The following NIBAN2 variants were observed in gnomAD, a reference collection of about 807,000 sequenced individuals.
NIBAN2 encodes the protein protein Niban 2.
A neutral mutation model predicts 81.8 loss-of-function variants in NIBAN2; 36 were observed. The ratio of observed to expected loss-of-function variants is 0.44; its 90% CI spans 0.34 to 0.58. The LOEUF (loss-of-function observed/expected upper bound fraction) is 0.58, where lower values mean the gene tolerates loss of function less well. Among genes scored for constraint, NIBAN2 ranks in the 20% least tolerant of loss-of-function variants. The probability of loss-of-function intolerance (pLI) is 0.02; values close to 1 mark genes in which losing one functional copy is unlikely to be tolerated. For synonymous variants in NIBAN2, 445 were observed against 441.6 expected (o/e 1.01, Z -0.10); for missense variants, 897 against 1,014.1 (o/e 0.88, Z 1.57).
intron 5 of NIBAN2, among the ~76,000 whole-genome samples, chr9:127,520,744 T>A (rs573916525): frequency 2.0e-4 from 30 of 151,804 alleles, no homozygotes; most frequent in Non-Finnish European, 4.0e-4. Context: ...ATTAGCCAGG[T>A]GTGGTGGCAC....
chr9:127,526,838 C>T (rs1319438410), intron 3 of NIBAN2, among the ~76,000 whole-genome samples: 2 of 151,936 alleles, frequency 1.3e-5, no homozygotes, highest in South Asian at 2.1e-4. Context: ...TGGGAGGGGT[C>T]GGAGGAGAGG....
At position 127,563,549 on chromosome 9, in the gene NIBAN2, G is replaced by A. The variant is rs956552699; in HGVS notation, c.55+5271C>T. 1.3e-5 allele frequency among the ~76,000 whole-genome samples: 2 copies of A among 150,578 alleles called. No individual in the cohort carries two copies. The highest frequency in any genetic ancestry group is 2.4e-5 in the African/African-American group (1 of 40,836). On this transcript the variant is annotated intron_variant, in intron 1 of 13. Transcript: ENST00000373312. This position sits in a 1 kb window ranked among gnomAD's most constrained non-coding sequence, Gnocchi z 4.1. ...AGATTTTTTTTTTTTTTGAGACAGAGTCTCACTCTGTCACCCAGGCTGGAG... is the reference window on the plus strand; with the variant it reads ...AGATTTTTTTTTTTTTTGAGACAGAATCTCACTCTGTCACCCAGGCTGGAG...
At position 127,523,811 on chromosome 9, in the gene NIBAN2, T is replaced by C; in HGVS notation, c.457A>G (p.Lys153Glu). The change falls in exon 5 of 14, where the codon AAG becomes GAG. Residue 153 changes from lysine to glutamate, a missense_variant. Around this residue, in one of 3 missense-constraint regions of NIBAN2, gnomAD observed 209 missense variants for 208.4 expected, o/e 1.00. Coordinates refer to ENST00000373312, the MANE Select transcript of NIBAN2 (RefSeq NM_022833.4). ...ATGAGCGGGAACTGTGTGGGGCACT[T>C]GAGGATGGGGGCACTGCCCGACTTT... ...TAKSGSAPIL[K>E]CPTQFPLILW... 6.2e-7 allele frequency: 1 copy of C among 1,613,158 alleles called. No homozygotes were observed. The highest frequency in any genetic ancestry group is 8.5e-7 in the Non-Finnish European group (1 of 1,179,208).
intron 1 of NIBAN2, among the ~76,000 whole-genome samples, chr9:127,550,396 C>T (rs1272243075): frequency 6.6e-6 from 1 of 152,236 alleles, no homozygotes; most frequent in South Asian, 2.1e-4. Context: ...GTTGCCAGCT[C>T]GCTCACACAG....
intron 1 of NIBAN2, among the ~76,000 whole-genome samples, chr9:127,549,331 T>C (rs899230348): frequency 1.3e-5 from 2 of 152,176 alleles, no homozygotes; most frequent in Admixed American, 1.3e-4. Context: ...CCCACACGCA[T>C]GCACACTCAC....
chr9:127,577,048 C>T (rs1361924523), intron 1 of NIBAN2, among the ~76,000 whole-genome samples: 1 of 151,934 alleles, frequency 6.6e-6, no homozygotes, highest in Non-Finnish European at 1.5e-5. Context: ...AGGCCAGGTG[C>T]AGTGGCTCAC....
At chr9:127,550,162 A>G (rs1837549601) in intron 1 of NIBAN2, among the ~76,000 whole-genome samples, 1 of 152,078 alleles carries the variant, frequency 6.6e-6, no homozygotes, top group Non-Finnish European at 1.5e-5. Context: ...GACCCTGGAC[A>G]AGCCCCCCAC....
At chr9:127,526,864 G>A (rs74463845) in intron 3 of NIBAN2, among the ~76,000 whole-genome samples, 4,031 of 152,280 alleles carry the variant, frequency 0.026, 189 homozygotes, top group African/African-American at 0.091. Flanking sequence ...AGCCCAGTGA[G>A]GAAGGAGGTG....
rs2243558 is a variant in NIBAN2, at chr9:127,527,336, C to G, written c.187-14G>C. On this transcript the variant is annotated splice_polypyrimidine_tract_variant and intron_variant, in intron 2 of 13. Transcript: ENST00000373312. ...GTCCAGTGGCACCTGTGGGCAGGAGCGGGTGGGGAGTGAGGCCCAGGTCTG... is the reference window on the plus strand; with the variant it reads ...GTCCAGTGGCACCTGTGGGCAGGAGGGGGTGGGGAGTGAGGCCCAGGTCTG... 1,028,502 of 1,598,528 alleles carry G rather than the reference C, an allele frequency of 0.64. 335,076 individuals are homozygous for G. Among genetic ancestry groups the G allele is most frequent in the Admixed American group, 0.69 (41,081 of 59,810 alleles).
chr9:127,523,195 ATATATATATAT>A lies in NIBAN2; in HGVS notation c.589+473_589+483del, dbSNP rs1836989300. ...AAAAAAAAAAAAAAAAAAAAAAAATATATATATATATATATATATATATATATATATATATA... is the reference window on the plus strand; with the variant it reads ...AAAAAAAAAAAAAAAAAAAAAAAATAATATATATATATATATATATATATA... On this transcript the variant is annotated intron_variant, in intron 5 of 13. Transcript: ENST00000373312. Among the ~76,000 whole-genome samples the A allele has an allele frequency of 3.3e-3, 15 of 4,560 alleles. 2 individuals are homozygous for A. The East Asian group carries it at 0.037, about 11-fold the overall frequency. The allele number at this position is 4,560 out of a possible 152,430, so 3.0% of individuals were successfully genotyped here.
upstream of NIBAN2, among the ~76,000 whole-genome samples, chr9:127,571,853 G>C (rs974200537): frequency 6.6e-6 from 1 of 152,118 alleles, no homozygotes; most frequent in East Asian, 1.9e-4. Flanking sequence ...CCTTGTCTAG[G>C]GATGGGATGA....
In NIBAN2 at chr9:127,508,329, T is replaced by C. The variant is rs1236943983; in HGVS notation, c.1434+93A>G. ...CGCACAAGAGGACCATGGCGCCTCCTTGCAGGGACAGCAATCCTGGTGGTG... is the reference window on the plus strand; with the variant it reads ...CGCACAAGAGGACCATGGCGCCTCCCTGCAGGGACAGCAATCCTGGTGGTG... On this transcript the variant is annotated intron_variant, in intron 11 of 13. Transcript: ENST00000373312. This position sits in a 1 kb window ranked among gnomAD's most constrained non-coding sequence, Gnocchi z 6.4. 18 of 1,358,762 alleles carry C rather than the reference T, an allele frequency of 1.3e-5. 1 individual carries two copies. Among genetic ancestry groups the C allele is most frequent in the South Asian group, 2.3e-5 (2 of 85,394 alleles). 84.2% of individuals were successfully genotyped at this position (1,358,762 alleles called of 1,614,324 possible). A position where few individuals can be genotyped will look rare whatever the true frequency, so the allele number is the denominator to read the frequency against.
At chr9:127,565,946 T>TCACACACACACACACA (rs10682812) in intron 1 of NIBAN2, among the ~76,000 whole-genome samples, 13 of 130,558 alleles carry the variant, frequency 1.0e-4, no homozygotes, top group African/African-American at 1.9e-4. Context: ...TCTCTCTCTC[T>TCACACACACACACACA]CACACACACA....
chr9:127,534,949 G>A (rs1190338056), intron 1 of NIBAN2, among the ~76,000 whole-genome samples: 1 of 152,166 alleles, frequency 6.6e-6, no homozygotes, highest in Non-Finnish European at 1.5e-5. Flanking sequence ...CATTAAACCC[G>A]TGCTACGGCA....
rs990621540 is a variant in NIBAN2, at chr9:127,506,490, C to T, written c.*355G>A. 1 of 199,348 alleles carries T rather than the reference C, an allele frequency of 5.0e-6. No homozygotes were observed. The highest frequency in any genetic ancestry group is 1.0e-5 in the Non-Finnish European group (1 of 99,168). The allele number at this position is 199,348 out of a possible 1,614,324, so 12.3% of individuals were successfully genotyped here. A position where few individuals can be genotyped will look rare whatever the true frequency, so the allele number is the denominator to read the frequency against. On this transcript the variant is annotated 3_prime_UTR_variant, in exon 14 of 14. Coordinates refer to ENST00000373312, the MANE Select transcript of NIBAN2 (RefSeq NM_022833.4). ...CCACTGGGCTCACACCAGCTTTCAC[C>T]TCCCTCTCTCCAGGAAGGATGGCAG...
chr9:127,531,062 C>T (rs773306569), intron 2 of NIBAN2, among the ~76,000 whole-genome samples: 3 of 151,750 alleles, frequency 2.0e-5, no homozygotes, highest in Non-Finnish European at 4.4e-5. Context: ...CACCTGTAGT[C>T]CCAGTAACTG....
Position 127,545,673 on chromosome 9 carries a change from T to A in NIBAN2, c.56-13895A>T, listed in dbSNP as rs1297427393. ...CCACAACAGGTCTGGTGGGGAAGGGTGAGCTTTGAGGCAGGAGGGCTGGGA... is the reference window on the plus strand; with the variant it reads ...CCACAACAGGTCTGGTGGGGAAGGGAGAGCTTTGAGGCAGGAGGGCTGGGA... On this transcript the variant is annotated intron_variant, in intron 1 of 13. Transcript: ENST00000373312. This position sits in a 1 kb window ranked among gnomAD's most constrained non-coding sequence, Gnocchi z 4.7. 5.3e-5 allele frequency among the ~76,000 whole-genome samples: 8 copies of A among 151,560 alleles called. No individual in the cohort carries two copies. Among genetic ancestry groups the A allele is most frequent in the Admixed American group, 5.3e-4 (8 of 15,224 alleles).
At chr9:127,571,228 G>GGAAGGGTTCCTCCCTGGCCCAGA (rs1181992973), upstream of NIBAN2, among the ~76,000 whole-genome samples, 1 of 76,928 alleles carries the variant, frequency 1.3e-5, no homozygotes, top group African/African-American at 7.3e-5. Context: ...CCTGGCCCAG[G>GGAAGGGTTCCTCCCTGGCCCAGA]GACGGGTTCC....
At chr9:127,575,661 C>G (rs1319401209) in intron 1 of NIBAN2, among the ~76,000 whole-genome samples, 1 of 151,374 alleles carries the variant, frequency 6.6e-6, no homozygotes, top group Admixed American at 6.6e-5. Flanking sequence ...TCCTGAGTAG[C>G]TGGGATTACA....
Sources: gnomAD v4.1 joint callset for allele counts (sites outside exome capture counted in the v4.1 genomes callset) on GRCh38, gnomAD v4.1.1 for gene constraint, gnomAD v4.1.1 regional missense constraint, Gnocchi (gnomAD v3.1) non-coding constraint, MANE v1.5 for transcripts, NCBI Gene and HGNC (gene_info 2026-07-23, HGNC 2026-07-21) for gene names.